Variants in STK32C observed in about 807,000 individuals in gnomAD.
STK32C encodes serine/threonine-protein kinase 32C.
STK32C carries 31 observed loss-of-function variants against 56.5 expected under a neutral mutation model. That is an observed-to-expected ratio of 0.55 (90% CI 0.41 to 0.74). STK32C has a LOEUF of 0.74. Among genes scored for constraint, STK32C ranks in the 30% least tolerant of loss-of-function variants. The pLI is 0.00. For synonymous variants in STK32C, 309 were observed against 289.4 expected (o/e 1.07, Z -0.69); for missense variants, 544 against 676.9 (o/e 0.80, Z 2.18).
At chr10:132,319,180 T>C (rs2066360004), downstream of STK32C, among the ~76,000 whole-genome samples, 1 of 152,108 alleles carries the variant, frequency 6.6e-6, no homozygotes, top group African/African-American at 2.4e-5. Context: ...AAATCCTGAC[T>C]TCAGGTGATC....
intron 1 of STK32C, among the ~76,000 whole-genome samples, chr10:132,292,439 G>A (rs2065596250): frequency 6.6e-6 from 1 of 152,158 alleles, no homozygotes. Context: ...CAGTCTGACG[G>A]ATTCATCCAC....
At chr10:132,281,361 C>T (rs1355544596) in intron 1 of STK32C, among the ~76,000 whole-genome samples, 1 of 152,052 alleles carries the variant, frequency 6.6e-6, no homozygotes, top group Non-Finnish European at 1.5e-5. Context: ...CTTCTTTGGG[C>T]CTCTCTGTTT....
At position 132,314,052 on chromosome 10, in the gene STK32C, C is replaced by A. The variant is rs1167629074; in HGVS notation, c.301+17384G>T. On this transcript the variant is annotated intron_variant, in intron 1 of 3. Transcript: ENST00000368620. ...AAGCAGGGCATCCATGGAGCAGCAG[C>A]CTCTGTCAGAACTCAGCCAGCCATA... 2.6e-5 allele frequency among the ~76,000 whole-genome samples: 4 copies of A among 152,222 alleles called. No individual in the cohort carries two copies. In the East Asian group the frequency reaches 7.7e-4, roughly 29 times the overall value.
At chr10:132,313,033 C>G (rs962909365) in intron 1 of STK32C, among the ~76,000 whole-genome samples, 1 of 152,186 alleles carries the variant, frequency 6.6e-6, no homozygotes, top group Non-Finnish European at 1.5e-5. Flanking sequence ...GAGCGAGACT[C>G]TGTCTCAAAA....
downstream of STK32C, among the ~76,000 whole-genome samples, chr10:132,319,586 G>A (rs75452151): frequency 2.5e-3 from 377 of 152,302 alleles, no homozygotes; most frequent in African/African-American, 8.6e-3. Context: ...ACGACATACT[G>A]TCTGACTCCA....
intron 1 of STK32C, among the ~76,000 whole-genome samples, chr10:132,265,629 G>A (rs1448789466): frequency 3.3e-5 from 5 of 152,200 alleles, no homozygotes; most frequent in African/African-American, 7.2e-5. Context: ...AAGGCTCTGG[G>A]TCAGGATTCA....
chr10:132,252,620 G>C (rs1178213922), intron 1 of STK32C, among the ~76,000 whole-genome samples: 1 of 152,242 alleles, frequency 6.6e-6, no homozygotes, highest in African/African-American at 2.4e-5. Flanking sequence ...CTCTGTACTT[G>C]TGTGCACCCA....
At chr10:132,265,129 A>C (rs369017728) in intron 1 of STK32C, among the ~76,000 whole-genome samples, 1,222 of 93,154 alleles carry the variant, frequency 0.013, 7 homozygotes, top group Non-Finnish European at 0.018. Context: ...GGGGTGCCGC[A>C]AGGGCAGTGA....
intron 10 of STK32C, among the ~76,000 whole-genome samples, chr10:132,217,821 G>T (rs2062517642): frequency 6.6e-6 from 1 of 152,134 alleles, no homozygotes; most frequent in Admixed American, 6.5e-5. Flanking sequence ...ACGACTGTGA[G>T]GCCTCCCCAG....
At chr10:132,261,216 C>T (rs188430152) in intron 1 of STK32C, among the ~76,000 whole-genome samples, 1 of 150,646 alleles carries the variant, frequency 6.6e-6, no homozygotes. Context: ...TGTGGAGTTG[C>T]CAGGTGGCTG....
At chr10:132,323,882 C>T (rs138322163), downstream of STK32C, among the ~76,000 whole-genome samples, 47 of 152,170 alleles carry the variant, frequency 3.1e-4, no homozygotes, top group East Asian at 8.7e-3. This position sits in a 1 kb window ranked among gnomAD's most constrained non-coding sequence, Gnocchi z 4.8. Flanking sequence ...GACACAGAAG[C>T]GAAGTGGAAG....
chr10:132,253,816 T>C (rs2064008244), intron 1 of STK32C, among the ~76,000 whole-genome samples: 1 of 152,176 alleles, frequency 6.6e-6, no homozygotes, highest in African/African-American at 2.4e-5. Flanking sequence ...TTAGGTAACA[T>C]TTCAACACTT....
chr10:132,255,319 C>T lies in STK32C; in HGVS notation c.263-9364G>A, dbSNP rs1308371336. Among the ~76,000 whole-genome samples the T allele has an allele frequency of 1.3e-5, 2 of 152,168 alleles. No homozygotes were observed. Among genetic ancestry groups the T allele is most frequent in the Non-Finnish European group, 1.5e-5 (1 of 68,026 alleles). On this transcript the variant is annotated intron_variant, in intron 1 of 11. Transcript: ENST00000298630. This position sits in a 1 kb window ranked among gnomAD's most constrained non-coding sequence, Gnocchi z 4.6. ...GGAAGAGTTGGAACCGGCCCGATAG[C>T]TCCTCCTGGCAATGGGTGCCCCCCA...
chr10:132,208,017 C>T lies in STK32C; in HGVS notation c.1454G>A (p.Ser485Asn). 2 of 1,309,006 alleles carry T rather than the reference C, an allele frequency of 1.5e-6. No homozygotes were observed. Among genetic ancestry groups the T allele is most frequent in the East Asian group, 2.8e-5 (1 of 35,508 alleles). 81.1% of individuals were successfully genotyped at this position (1,309,006 alleles called of 1,614,324 possible). The change falls in exon 12 of 12, where the codon AGC becomes AAC. Residue 485 changes from serine to asparagine, a missense_variant. Transcript: ENST00000298630. ...MCGPICPSAGSG is the reference protein window; with the variant it reads ...MCGPICPSAGNG The stretch of plus-strand genomic sequence containing the variant: ...GACCACGGGCGTCCCGGCCTAGCCG[C>T]TCCCGGCCGAGGGGCAAATGGGGCC...
intron 1 of STK32C, among the ~76,000 whole-genome samples, chr10:132,326,115 G>C (rs1457804864): frequency 6.6e-6 from 1 of 152,162 alleles, no homozygotes; most frequent in African/African-American, 2.4e-5. Flanking sequence ...CTTCAGGATC[G>C]GGGAGGCCTG....
At chr10:132,272,475 C>T (rs990489227) in intron 1 of STK32C, among the ~76,000 whole-genome samples, 1 of 152,256 alleles carries the variant, frequency 6.6e-6, no homozygotes, top group Non-Finnish European at 1.5e-5. Context: ...CTAGCTCACA[C>T]TGCCACAGCC....
intron 4 of STK32C, 64 bp downstream of exon 4, chr10:132,226,731 G>T (rs2062905844): frequency 1.9e-6 from 3 of 1,575,986 alleles, no homozygotes; most frequent in African/African-American, 2.7e-5. Flanking sequence ...CCGGCAGCCT[G>T]ACCTAAGGCT....
At chr10:132,277,916 G>C (rs1200127871) in intron 1 of STK32C, among the ~76,000 whole-genome samples, 1 of 152,182 alleles carries the variant, frequency 6.6e-6, no homozygotes, top group East Asian at 1.9e-4. Flanking sequence ...ACCTGGGAGA[G>C]GGTCTTTCTT....
chr10:132,330,365 A>G (rs536612338), intron 1 of STK32C: 2 of 697,172 alleles, frequency 2.9e-6, no homozygotes, highest in South Asian at 3.0e-5. Flanking sequence ...TCGTGCTGAA[A>G]TCTTCCATCC....
Sources: allele counts gnomAD v4.1 joint callset (sites outside exome capture counted in the v4.1 genomes callset), GRCh38; gene constraint gnomAD v4.1.1; non-coding constraint Gnocchi (gnomAD v3.1); transcripts MANE v1.5; gene names NCBI Gene and HGNC (gene_info 2026-07-23, HGNC 2026-07-21).